The following CD38 variants were observed in gnomAD, a reference collection of about 807,000 sequenced individuals.
CD38 encodes ADP-ribosyl cyclase/cyclic ADP-ribose hydrolase 1.
CD38 carries 31 observed loss-of-function variants against 36.3 expected under a neutral mutation model. That is an observed-to-expected ratio of 0.85 (90% confidence interval 0.64 to 1.15). The LOEUF is 1.15. Among genes scored for constraint, CD38 ranks in the 50% most tolerant of loss-of-function variants. The pLI, the probability that CD38 is intolerant of heterozygous loss-of-function variation, is 0.00. For synonymous variants in CD38, 131 were observed against 135.2 expected, an observed-to-expected ratio of 0.97 and a Z score of 0.22; for missense variants, 380 against 371.9, an observed-to-expected ratio of 1.02 and a Z score of -0.18.
rs145972762 is a variant in CD38 at position 15,810,467 on chromosome 4, G to A, written c.234-6044G>A. On this transcript the variant is annotated intron_variant, in intron 1 of 7. Transcript: ENST00000226279. ...AGTTTTACAAGGGAGTTGGAGTATG[G>A]GAACAGGAAGTTCCCAAGAAGGCCA... 2.7e-3 allele frequency among the ~76,000 whole-genome samples: 415 copies of A among 152,234 alleles called. 4 individuals are homozygous for A. The highest frequency in any genetic ancestry group is 9.6e-3 in the African/African-American group (397 of 41,536).
At chr4:15,830,759 C>A (rs1411149057) in intron 3 of CD38, among the ~76,000 whole-genome samples, 1 of 151,984 alleles carries the variant, frequency 6.6e-6, no homozygotes, top group African/African-American at 2.4e-5. Context: ...AATCTTTAAT[C>A]TATTTTGATT....
At chr4:15,804,107 G>T (rs1045620970) in intron 1 of CD38, among the ~76,000 whole-genome samples, 9 of 152,094 alleles carry the variant, frequency 5.9e-5, no homozygotes, top group Non-Finnish European at 1.0e-4. Context: ...GAATAGTGCT[G>T]TAATGAACAT....
At position 15,790,690 on chromosome 4, in the gene CD38, G is replaced by C. The variant is rs142301262; in HGVS notation, c.233+12043G>C. 3.5e-3 allele frequency among the ~76,000 whole-genome samples: 532 copies of C among 151,670 alleles called. 3 individuals carry two copies. Among genetic ancestry groups the C allele is most frequent in the Middle Eastern group, 6.9e-3 (2 of 288 alleles). ...CCTGGCTGCCCAGTCTGGAGGGTGA[G>C]GAGCGTCTCTGCCCGGCCGCCATCC... On this transcript the variant is annotated intron_variant, in intron 1 of 7. Coordinates refer to ENST00000226279, the MANE Select transcript of CD38 (RefSeq NM_001775.4).
chr4:15,849,792 C>T lies in CD38; in HGVS notation c.*1190C>T, dbSNP rs1243808568. ...TCTTTGGGTAGATTTACGTATTCAG[C>T]TTCTTGAGATGGAAGTTTAGATCAC... On this transcript the variant is annotated 3_prime_UTR_variant, in exon 8 of 8. Coordinates refer to ENST00000226279, the MANE Select transcript of CD38 (RefSeq NM_001775.4). 2.0e-5 allele frequency: 3 copies of T among 152,136 alleles called. No homozygotes were observed. The highest frequency in any genetic ancestry group is 3.9e-4 in the East Asian group (2 of 5,194). The allele number at this position is 152,136 out of a possible 1,614,324, so 9.4% of individuals were successfully genotyped here. A position where few individuals can be genotyped will look rare whatever the true frequency, so the allele number is the denominator to read the frequency against.
intron 1 of CD38, among the ~76,000 whole-genome samples, chr4:15,784,175 G>T (rs996096885): frequency 1.3e-5 from 2 of 152,216 alleles, no homozygotes; most frequent in African/African-American, 4.8e-5. Flanking sequence ...CTGCAGGGAT[G>T]TAAGAAATGT....
intron 1 of CD38, among the ~76,000 whole-genome samples, chr4:15,783,442 G>C (rs1722740622): frequency 6.6e-6 from 1 of 152,226 alleles, no homozygotes; most frequent in South Asian, 2.1e-4. Context: ...GTCTAGGCAA[G>C]CATGCAGGGA....
At chr4:15,838,296 A>C (rs934887018) in intron 5 of CD38, 131 bp downstream of exon 5, 3 of 708,526 alleles carry the variant, frequency 4.2e-6, no homozygotes, top group Non-Finnish European at 7.1e-6. Context: ...AAAAGGTAAA[A>C]ATTTTGAATT....
chr4:15,778,917 G>A lies in CD38; in HGVS notation c.233+270G>A, dbSNP rs1438704416. On this transcript the variant is annotated intron_variant, in intron 1 of 7. Transcript: ENST00000226279. This position sits in a 1 kb window ranked among gnomAD's most constrained non-coding sequence, Gnocchi z 4.9. ...GCGTAGCCGGTGAACACTTGGCACC[G>A]ATGCCCGCCTTCTGGGCAAGGTGCC... Among the ~76,000 whole-genome samples, 4 of 152,042 alleles carry A rather than the reference G, an allele frequency of 2.6e-5. No homozygotes were observed. The East Asian group carries it at 7.8e-4, about 29-fold the overall frequency.
chr4:15,826,459 G>GCACGCGCA (rs1222637407), intron 3 of CD38, among the ~76,000 whole-genome samples: 3,830 of 146,436 alleles, frequency 0.026, 104 homozygotes, highest in East Asian at 0.096. Flanking sequence ...ACTTTTGTGC[G>GCACGCGCA]CACACACACA....
intron 4 of CD38, among the ~76,000 whole-genome samples, chr4:15,835,379 T>A (rs1478305627): frequency 5.7e-5 from 7 of 122,008 alleles, no homozygotes; most frequent in African/African-American, 2.4e-4. Context: ...TTTTTTTTTT[T>A]TTTTTTTTTT....
At chr4:15,833,396 C>G (rs1723996092) in intron 3 of CD38, among the ~76,000 whole-genome samples, 1 of 152,204 alleles carries the variant, frequency 6.6e-6, no homozygotes, top group Admixed American at 6.5e-5. Flanking sequence ...AACATATATA[C>G]TTTAAAGCAC....
intron 1 of CD38, among the ~76,000 whole-genome samples, chr4:15,787,609 C>G (rs1346558443): frequency 6.6e-6 from 1 of 152,158 alleles, no homozygotes; most frequent in Non-Finnish European, 1.5e-5. Context: ...GGAATGATTA[C>G]GAATCTTTGT....
intron 4 of CD38, 117 bp downstream of exon 4, chr4:15,834,419 T>A (rs1387336687): frequency 4.4e-6 from 3 of 675,254 alleles, no homozygotes; most frequent in Non-Finnish European, 7.9e-6. Context: ...AATGAAAATA[T>A]AGGATTCATT....
intron 3 of CD38, among the ~76,000 whole-genome samples, chr4:15,829,531 G>T (rs1441218491): frequency 6.6e-6 from 1 of 152,136 alleles, no homozygotes; most frequent in African/African-American, 2.4e-5. Context: ...TAATTTCTAA[G>T]AAAGTTTATG....
At chr4:15,780,627 C>G (rs368619141) in intron 1 of CD38, among the ~76,000 whole-genome samples, 1 of 151,956 alleles carries the variant, frequency 6.6e-6, no homozygotes, top group Non-Finnish European at 1.5e-5. Context: ...TTACTGGCAG[C>G]ACTCTGGACT....
intron 1 of CD38, among the ~76,000 whole-genome samples, chr4:15,787,262 T>C (rs10004415): frequency 0.43 from 65,231 of 152,196 alleles, 16,106 homozygotes; most frequent in African/African-American, 0.69. Flanking sequence ...TCTCCTCTCA[T>C]TAGGGTTGGG....
intron 5 of CD38, among the ~76,000 whole-genome samples, chr4:15,838,632 G>A (rs548777406): frequency 2.6e-5 from 4 of 152,242 alleles, no homozygotes; most frequent in East Asian, 3.9e-4. Flanking sequence ...AACTACTACC[G>A]GGAACATCGG....
In CD38 at chr4:15,786,782, G is replaced by A. The variant is rs540626604; in HGVS notation, c.233+8135G>A. 2.6e-4 allele frequency among the ~76,000 whole-genome samples: 39 copies of A among 152,352 alleles called. No individual in the cohort carries two copies. In the East Asian group the frequency reaches 7.3e-3, roughly 29 times the overall value. ...GATGGGACGCCAGGGAGCAGGGCGC[G>A]GTGCTCGTCGGGGAGGCTCCAGCGG... is the stretch of plus-strand genomic sequence containing the variant. On this transcript the variant is annotated intron_variant, in intron 1 of 7. Transcript: ENST00000226279.
intron 5 of CD38, among the ~76,000 whole-genome samples, chr4:15,838,598 T>C (rs532590865): frequency 4.6e-5 from 7 of 152,218 alleles, no homozygotes; most frequent in African/African-American, 1.7e-4. Flanking sequence ...TCCAGGAAAA[T>C]TGTGTACCCC....
Sources: gnomAD v4.1 joint callset for allele counts (sites outside exome capture counted in the v4.1 genomes callset) on GRCh38, gnomAD v4.1.1 for gene constraint, Gnocchi (gnomAD v3.1) non-coding constraint, MANE v1.5 for transcripts, NCBI Gene and HGNC (gene_info 2026-07-23, HGNC 2026-07-21) for gene names.